Variants in MYO1B observed in about 807,000 individuals in gnomAD.
MYO1B encodes unconventional myosin-Ib.
In MYO1B, 72 loss-of-function variants were observed where a neutral mutation model predicts 159.7. That is an observed-to-expected ratio of 0.45 (90% confidence interval 0.37 to 0.55). The LOEUF (loss-of-function observed/expected upper bound fraction) is 0.55. MYO1B is among the 20% of genes least tolerant of loss of function. MYO1B has a pLI of 0.00. For synonymous variants in MYO1B, 468 were observed against 473.8 expected (o/e 0.99, Z 0.16); for missense variants, 1,062 against 1,364.8 (o/e 0.78, Z 3.50).
intron 16 of MYO1B, among the ~76,000 whole-genome samples, chr2:191,386,698 A>G (rs1268096051): frequency 6.6e-6 from 1 of 152,162 alleles, no homozygotes; most frequent in Non-Finnish European, 1.5e-5. Flanking sequence ...TTGATTATAC[A>G]TTTGTAAAAA....
rs910255124 is a variant in MYO1B, at chr2:191,409,302, T to G, written c.2766+124T>G. ...CCTCAAAGAGGATTACTTGAGGACT[T>G]TGGTGATTTTCCCCCATGCACCATA... On this transcript the variant is annotated intron_variant, in intron 26 of 30. Coordinates refer to ENST00000392318, the MANE Select transcript of MYO1B (RefSeq NM_001130158.3). 2.7e-6 allele frequency: 3 copies of G among 1,127,750 alleles called. No individual in the cohort carries two copies. In the African/African-American group the frequency reaches 4.8e-5, roughly 18 times the overall value. 69.9% of individuals were successfully genotyped at this position (1,127,750 alleles called of 1,614,324 possible).
At chr2:191,383,204 T>C in intron 14 of MYO1B, 76 bp from the exon 15 acceptor site, 1 of 848,496 alleles carries the variant, frequency 1.2e-6, no homozygotes, top group Non-Finnish European at 1.8e-6. Flanking sequence ...GATAAGATGG[T>C]CAAAGTCTGT....
intron 6 of MYO1B, among the ~76,000 whole-genome samples, chr2:191,348,635 C>T (rs920369751): frequency 6.6e-6 from 1 of 152,236 alleles, no homozygotes; most frequent in East Asian, 1.9e-4. Context: ...GGGCCTGTTC[C>T]TGTGACTCTC....
chr2:191,414,546 C>A lies in MYO1B; in HGVS notation c.3036C>A (p.Asn1012Lys). ...CATCTCGGATTTTCCTCTTAACAAA[C>A]AATAATCTCCTTCTTGCTGACCAAA... is the stretch of plus-strand genomic sequence containing the variant. ...KSTSRIFLLT[N>K]NNLLLADQKS... The change falls in exon 29 of 31, where the codon AAC becomes AAA. Residue 1012 changes from asparagine (N) to lysine (K), a missense_variant. By Grantham distance (94) the Asn-to-Lys change is moderately conservative. This residue lies in a region of MYO1B where 609 missense variants were observed against 744.4 expected (regional missense o/e 0.82). Transcript: ENST00000392318. The A allele has an allele frequency of 2.5e-6, 4 of 1,611,222 alleles. No individual in the cohort carries two copies. Among genetic ancestry groups the A allele is most frequent in the Non-Finnish European group, 3.4e-6 (4 of 1,179,068 alleles).
intron 1 of MYO1B, among the ~76,000 whole-genome samples, chr2:191,258,205 A>G (rs192253993): frequency 1.3e-5 from 2 of 152,354 alleles, no homozygotes; most frequent in African/African-American, 4.8e-5. Flanking sequence ...AGTATAGCCA[A>G]TTGCTCCTAG....
At chr2:191,328,392 C>T (rs1379312668) in intron 3 of MYO1B, among the ~76,000 whole-genome samples, 1 of 152,190 alleles carries the variant, frequency 6.6e-6, no homozygotes, top group Non-Finnish European at 1.5e-5. Context: ...GCTCTCTGCA[C>T]CCTTGTCACC....
chr2:191,396,610 C>A, intron 21 of MYO1B, 113 bp downstream of exon 21: 1 of 981,574 alleles, frequency 1.0e-6, no homozygotes, highest in Non-Finnish European at 1.6e-6. Flanking sequence ...CCTGCCTCGC[C>A]TGTAAACAGT....
chr2:191,359,414 A>G (rs1173224001), intron 7 of MYO1B, among the ~76,000 whole-genome samples: 1 of 151,488 alleles, frequency 6.6e-6, no homozygotes, highest in Non-Finnish European at 1.5e-5. Flanking sequence ...GAGCTGGAGA[A>G]CATGAAAAAT....
At chr2:191,276,781 T>C (rs767733268) in intron 1 of MYO1B, 106 bp from the exon 2 acceptor site, 1 of 1,316,800 alleles carries the variant, frequency 7.6e-7, no homozygotes, top group Non-Finnish European at 1.0e-6. Flanking sequence ...TTAAGGCTAG[T>C]GAGAGTCATT....
chr2:191,277,467 T>C (rs911138819), intron 2 of MYO1B, among the ~76,000 whole-genome samples: 2 of 152,192 alleles, frequency 1.3e-5, no homozygotes, highest in African/African-American at 2.4e-5. Flanking sequence ...CAGGAGCAGA[T>C]TATCAGATAA....
chr2:191,316,922 A>G (rs1690387412), intron 3 of MYO1B, among the ~76,000 whole-genome samples: 1 of 152,238 alleles, frequency 6.6e-6, no homozygotes, highest in Non-Finnish European at 1.5e-5. Context: ...TTGAAGATGT[A>G]TTCATTGATC....
At chr2:191,413,797 G>A (rs1001074373) in intron 27 of MYO1B, among the ~76,000 whole-genome samples, 5 of 151,870 alleles carry the variant, frequency 3.3e-5, no homozygotes, top group Admixed American at 2.0e-4. Context: ...TGATTGTTCC[G>A]TGTGATAAGA....
At chr2:191,363,559 C>A in intron 9 of MYO1B, 169 bp from the exon 10 acceptor site, 1 of 417,182 alleles carries the variant, frequency 2.4e-6, no homozygotes, top group Non-Finnish European at 3.2e-6. Context: ...CGCCACAGCA[C>A]CAGAGGTACC....
At chr2:191,267,683 G>T (rs1050805957) in intron 1 of MYO1B, among the ~76,000 whole-genome samples, 6 of 152,178 alleles carry the variant, frequency 3.9e-5, no homozygotes, top group African/African-American at 1.4e-4. Flanking sequence ...CACCCCGTGT[G>T]GTTCTGTGTG....
intron 17 of MYO1B, among the ~76,000 whole-genome samples, chr2:191,388,696 T>C (rs997159331): frequency 6.6e-6 from 1 of 152,180 alleles, no homozygotes; most frequent in Non-Finnish European, 1.5e-5. Flanking sequence ...TATTCTCAAT[T>C]GAATGAATTT....
At chr2:191,418,738 C>T (rs1239174160) in intron 30 of MYO1B, among the ~76,000 whole-genome samples, 1 of 152,156 alleles carries the variant, frequency 6.6e-6, no homozygotes, top group Non-Finnish European at 1.5e-5. Context: ...ATCCGCCCCC[C>T]TGGGCCTCTG....
intron 1 of MYO1B, among the ~76,000 whole-genome samples, chr2:191,276,170 AT>A (rs1287685082): frequency 2.0e-5 from 3 of 152,166 alleles, no homozygotes; most frequent in African/African-American, 7.2e-5. Flanking sequence ...TTATCAGGTT[AT>A]GTTATACTGG....
intron 4 of MYO1B, among the ~76,000 whole-genome samples, chr2:191,337,911 G>T (rs1206458618): frequency 6.6e-6 from 1 of 151,992 alleles, no homozygotes; most frequent in Non-Finnish European, 1.5e-5. Flanking sequence ...ATAAATATTT[G>T]AATACAGATC....
intron 3 of MYO1B, among the ~76,000 whole-genome samples, chr2:191,324,481 C>T (rs1690926858): frequency 6.6e-6 from 1 of 152,042 alleles, no homozygotes. Context: ...AACATTGTCC[C>T]ACTTTATGTG....
Sources: gnomAD v4.1 joint callset for allele counts (sites outside exome capture counted in the v4.1 genomes callset) on GRCh38, gnomAD v4.1.1 for gene constraint, gnomAD v4.1.1 regional missense constraint, MANE v1.5 for transcripts, NCBI Gene and HGNC (gene_info 2026-07-23, HGNC 2026-07-21) for gene names.